CRYBA4: variants seen among roughly 807,000 people sequenced by gnomAD.
CRYBA4 encodes beta-crystallin A4.
A neutral mutation model predicts 31.7 loss-of-function variants in CRYBA4; 30 were observed. That is an observed-to-expected ratio of 0.95 (90% CI 0.71 to 1.28). CRYBA4 has a LOEUF of 1.28. CRYBA4 is among the 50% of genes most tolerant of loss of function. CRYBA4 has a pLI of 0.00. For missense variants in CRYBA4, 225 were observed against 260.7 expected, an observed-to-expected ratio of 0.86 and a Z score of 0.94; for synonymous variants, 102 against 102.3, an observed-to-expected ratio of 1.00 and a Z score of 0.02.
At chr22:26,608,034 A>G in the CRYBA4 span, 1 of 1,614,132 alleles carries the variant, frequency 6.2e-7, no homozygotes, top group Non-Finnish European at 8.5e-7. Context: ...GGATACAAGA[A>G]GGACCATGAG....
chr22:26,591,644 G>A, the CRYBA4 span, among the ~76,000 whole-genome samples: 2 of 151,688 alleles, frequency 1.3e-5, no homozygotes, highest in Admixed American at 6.6e-5. Flanking sequence ...AGGAGGCTGA[G>A]GCAGAAGAAT....
chr22:26,618,723 T>A (rs1289875458), upstream of CRYBA4, among the ~76,000 whole-genome samples: 1 of 152,226 alleles, frequency 6.6e-6, no homozygotes, highest in Non-Finnish European at 1.5e-5. Context: ...TCTCCTGCTG[T>A]CCAGCCTTGA....
At chr22:26,622,525 T>G in intron 1 of CRYBA4, 60 bp from the exon 2 acceptor site, 3 of 1,461,242 alleles carry the variant, frequency 2.1e-6, no homozygotes, top group Non-Finnish European at 2.9e-6. Context: ...GCCAGCCATC[T>G]GCATAAAGAG....
the CRYBA4 span, chr22:26,616,340 T>A: frequency 6.2e-7 from 1 of 1,609,072 alleles, no homozygotes. Context: ...TGCAAAAGTC[T>A]GTAAAGAAAC....
At position 26,628,335 on chromosome 22, in the gene CRYBA4, G is replaced by A; in HGVS notation, c.348G>A (p.Leu116=). The A allele has an allele frequency of 6.2e-7, 1 of 1,614,018 alleles. No homozygotes were observed. The highest frequency in any genetic ancestry group is 2.2e-5 in the East Asian group (1 of 44,876). ...CAATCTTCGAGCAAGAGAACTTCCT[G>A]GGCAAGAAAGGAGAGCTGAGCGATG... ...RLTIFEQENF[L]GKKGELSDDY... is the part of the protein sequence containing the mutation. The change falls in exon 5 of 6, where the codon CTG becomes CTA. Residue 116 remains leucine, a synonymous_variant. Coordinates refer to ENST00000354760, the MANE Select transcript of CRYBA4 (RefSeq NM_001886.3).
chr22:26,603,225 G>C, the CRYBA4 span, among the ~76,000 whole-genome samples: 1 of 151,110 alleles, frequency 6.6e-6, no homozygotes, highest in East Asian at 2.0e-4. Flanking sequence ...GCCTCAGTTT[G>C]TTCATCTGTA....
Position 26,622,511 on chromosome 22 carries a change from C to T in CRYBA4, c.-12-74C>T, listed in dbSNP as rs184739177. 1,000 of 1,357,104 alleles carry T rather than the reference C, an allele frequency of 7.4e-4. 5 individuals are homozygous for T. In the African/African-American group the frequency reaches 0.011, roughly 15 times the overall value. The allele number at this position is 1,357,104 out of a possible 1,614,324, so 84.1% of individuals were successfully genotyped here. ...CTCCCTATGTGGATCCTGACCAGGT[C>T]CAAGCCAGCCATCTGCATAAAGAGG... is the stretch of plus-strand genomic sequence containing the variant. On this transcript the variant is annotated intron_variant, in intron 1 of 5. Coordinates refer to ENST00000354760, the MANE Select transcript of CRYBA4 (RefSeq NM_001886.3).
At chr22:26,599,280 C>G in the CRYBA4 span, 1 of 587,220 alleles carries the variant, frequency 1.7e-6, no homozygotes. Context: ...GCAGAAAGAA[C>G]TTTTCAGTGT....
the CRYBA4 span, among the ~76,000 whole-genome samples, chr22:26,608,707 C>G: frequency 6.6e-6 from 1 of 151,944 alleles, no homozygotes; most frequent in African/African-American, 2.4e-5. Flanking sequence ...GAACGACAGT[C>G]TCGGAGGTAC....
the CRYBA4 span, chr22:26,601,966 G>A: frequency 3.7e-6 from 6 of 1,613,706 alleles, no homozygotes; most frequent in Non-Finnish European, 4.2e-6. Flanking sequence ...GATCTCTATG[G>A]TGTTGCCCTT....
rs115985301 is a variant in CRYBA4 at position 26,622,047 on chromosome 22, G to A, written c.-13+61G>A. ...GTTCTGAGTGAGCATTCTGGGAGGC[G>A]AGGAACCCAGGTCCCCAGTCCTAGG... On this transcript the variant is annotated intron_variant, in intron 1 of 5. Transcript: ENST00000354760. The A allele has an allele frequency of 3.7e-4, 340 of 909,020 alleles. 2 individuals are homozygous for A. The African/African-American group carries it at 5.7e-3, about 15-fold the overall frequency. The allele number at this position is 909,020 out of a possible 1,614,324, so 56.3% of individuals were successfully genotyped here.
At chr22:26,621,100 C>T (rs573579366), upstream of CRYBA4, among the ~76,000 whole-genome samples, 13 of 152,252 alleles carry the variant, frequency 8.5e-5, no homozygotes, top group South Asian at 1.9e-3. Context: ...GTCCCTCATA[C>T]GCCAATTCAG....
chr22:26,625,425 A>G lies in CRYBA4; in HGVS notation c.159-56A>G, dbSNP rs1422066252. On this transcript the variant is annotated intron_variant, in intron 3 of 5. Coordinates refer to ENST00000354760, the MANE Select transcript of CRYBA4 (RefSeq NM_001886.3). ...CCGTTCTAGACCCAATTGCTGGTCTAGAATGCAGGGTGAGGGGGACGCTTA... is the reference window on the plus strand; with the variant it reads ...CCGTTCTAGACCCAATTGCTGGTCTGGAATGCAGGGTGAGGGGGACGCTTA... 3.1e-6 allele frequency: 5 copies of G among 1,600,258 alleles called. No homozygotes were observed. In the Admixed American group the frequency reaches 6.7e-5, roughly 21 times the overall value.
rs1002812857 is a variant in CRYBA4 at position 26,621,986 on chromosome 22, G to A, written c.-13G>A. On this transcript the variant is annotated splice_region_variant and 5_prime_UTR_variant, in exon 1 of 6. Coordinates refer to ENST00000354760, the MANE Select transcript of CRYBA4 (RefSeq NM_001886.3). ...CTGACATGTTCCCTGGGCCTATCTCGGTAAGTCCCAGGTTTGGAGGAGGGG... is the reference window on the plus strand; with the variant it reads ...CTGACATGTTCCCTGGGCCTATCTCAGTAAGTCCCAGGTTTGGAGGAGGGG... 7 of 986,158 alleles carry A rather than the reference G, an allele frequency of 7.1e-6. No homozygotes were observed. Among genetic ancestry groups the A allele is most frequent in the South Asian group, 4.7e-5 (1 of 21,292 alleles). 61.1% of individuals were successfully genotyped at this position (986,158 alleles called of 1,614,324 possible).
chr22:26,604,322 T>C, the CRYBA4 span, among the ~76,000 whole-genome samples: 1 of 152,244 alleles, frequency 6.6e-6, no homozygotes, highest in Non-Finnish European at 1.5e-5. Flanking sequence ...GTAGGGATTA[T>C]GTAAAAGGCA....
the CRYBA4 span, among the ~76,000 whole-genome samples, chr22:26,611,469 GTTTT>G: frequency 7.5e-6 from 1 of 133,334 alleles, no homozygotes; most frequent in African/African-American, 2.8e-5. Context: ...TTTTTTTTTT[GTTTT>G]TTTTTTTTTT....
chr22:26,627,890 C>T (rs893465996), intron 4 of CRYBA4, among the ~76,000 whole-genome samples: 2 of 152,128 alleles, frequency 1.3e-5, no homozygotes, highest in African/African-American at 2.4e-5. Flanking sequence ...TCAGGTGATC[C>T]ACCCTCCTCG....
intron 5 of CRYBA4, among the ~76,000 whole-genome samples, chr22:26,630,020 A>C (rs1173254485): frequency 6.6e-6 from 1 of 152,266 alleles, no homozygotes; most frequent in Non-Finnish European, 1.5e-5. Flanking sequence ...AAACTATCGA[A>C]TTACATGAGT....
chr22:26,623,510 A>T (rs900452991), intron 3 of CRYBA4, among the ~76,000 whole-genome samples, 158 bp downstream of exon 3: 6 of 152,016 alleles, frequency 3.9e-5, no homozygotes, highest in Non-Finnish European at 8.8e-5. Flanking sequence ...GCCATGTAAG[A>T]TTATGCAGGT....
Sources: gnomAD v4.1 joint callset for allele counts (sites outside exome capture counted in the v4.1 genomes callset) on GRCh38, gnomAD v4.1.1 for gene constraint, MANE v1.5 for transcripts, NCBI Gene and HGNC (gene_info 2026-07-23, HGNC 2026-07-21) for gene names.